The following TMEM132D variants were observed in gnomAD, a reference collection of about 807,000 sequenced individuals.
The protein encoded by TMEM132D is transmembrane protein 132D, also known as mature OL transmembrane protein.
Under a neutral mutation model 62.3 loss-of-function variants are expected in TMEM132D, and 21 were observed. The ratio of observed to expected loss-of-function variants is 0.34; its 90% CI spans 0.24 to 0.49. TMEM132D has a LOEUF of 0.49. TMEM132D is among the 20% of genes least tolerant of loss of function. TMEM132D has a pLI of 0.99. For missense variants in TMEM132D, 1,346 were observed against 1,402.8 expected, an observed-to-expected ratio of 0.96 and a Z score of 0.65; for synonymous variants, 621 against 575.6, an observed-to-expected ratio of 1.08 and a Z score of -1.13.
intron 2 of TMEM132D, among the ~76,000 whole-genome samples, chr12:129,661,087 G>C (rs1226526101): frequency 6.6e-6 from 1 of 152,174 alleles, no homozygotes; most frequent in Non-Finnish European, 1.5e-5. Flanking sequence ...GAGGGAAAAC[G>C]TCACTTCTAG....
intron 2 of TMEM132D, among the ~76,000 whole-genome samples, chr12:129,542,384 A>T (rs1876606258): frequency 6.6e-6 from 1 of 152,222 alleles, no homozygotes; most frequent in Admixed American, 6.5e-5. Flanking sequence ...TTAATTAAAG[A>T]AGGCATTCTA....
intron 3 of TMEM132D, among the ~76,000 whole-genome samples, chr12:129,504,896 T>C (rs1379405554): frequency 6.6e-6 from 1 of 152,146 alleles, no homozygotes; most frequent in Admixed American, 6.5e-5. Flanking sequence ...ATCCCACAGG[T>C]TTTTATAGGT....
At chr12:129,839,117 A>ATT (rs71085578) in intron 1 of TMEM132D, among the ~76,000 whole-genome samples, 839 of 20,584 alleles carry the variant, frequency 0.041, 227 homozygotes, top group Non-Finnish European at 0.051. Flanking sequence ...CGCCTGGCTA[A>ATT]TTTTTTTTTT....
intron 2 of TMEM132D, among the ~76,000 whole-genome samples, chr12:129,642,191 T>TTG (rs1271454390): frequency 6.6e-6 from 1 of 152,154 alleles, no homozygotes; most frequent in Non-Finnish European, 1.5e-5. Context: ...ATGACAGTCT[T>TTG]TGAACAGTCA....
Position 129,628,484 on chromosome 12 carries a change from G to C in TMEM132D, c.968+71326C>G, listed in dbSNP as rs114166437. Among the ~76,000 whole-genome samples, 473 of 152,282 alleles carry C rather than the reference G, an allele frequency of 3.1e-3. 2 individuals carry two copies. The highest frequency in any genetic ancestry group is 0.01 in the African/African-American group (424 of 41,538). On this transcript the variant is annotated intron_variant, in intron 2 of 8. Transcript: ENST00000422113. ...ACCCTGCTGACCATTAGGCAGGAAG[G>C]CTTGCCCAGACATTCTCTTGCTTCT...
chr12:129,727,438 G>A (rs1869076990), intron 1 of TMEM132D, among the ~76,000 whole-genome samples: 1 of 152,140 alleles, frequency 6.6e-6, no homozygotes, highest in Admixed American at 6.5e-5. Context: ...CATTCATGAA[G>A]GCAGAGCCCT....
chr12:129,094,100 C>T (rs1327085354), intron 5 of TMEM132D, among the ~76,000 whole-genome samples: 3 of 152,056 alleles, frequency 2.0e-5, no homozygotes, highest in African/African-American at 7.3e-5. Context: ...CTAGGCTTTA[C>T]CATTCAGGAC....
At chr12:129,199,712 A>C (rs150593613) in intron 5 of TMEM132D, among the ~76,000 whole-genome samples, 3 of 152,292 alleles carry the variant, frequency 2.0e-5, no homozygotes, top group Admixed American at 6.5e-5. Flanking sequence ...GAGCAAAGGC[A>C]TGTCTTACAT....
chr12:129,244,178 G>A (rs939541881), intron 4 of TMEM132D, among the ~76,000 whole-genome samples: 9 of 152,090 alleles, frequency 5.9e-5, no homozygotes, highest in Non-Finnish European at 8.8e-5. Context: ...AAAGTCAGGA[G>A]ATCGAGACCA....
chr12:129,818,486 G>C (rs1468845437), intron 1 of TMEM132D, among the ~76,000 whole-genome samples: 1 of 150,818 alleles, frequency 6.6e-6, no homozygotes, highest in African/African-American at 2.4e-5. Flanking sequence ...TTGGGTGTGT[G>C]TGTGGTGTGT....
chr12:129,205,558 A>G (rs1313840283), intron 5 of TMEM132D, among the ~76,000 whole-genome samples: 1 of 152,180 alleles, frequency 6.6e-6, no homozygotes, highest in African/African-American at 2.4e-5. Context: ...TCCCTATGCA[A>G]TAATAGTGGG....
At chr12:129,727,991 G>A (rs1325972718) in intron 1 of TMEM132D, among the ~76,000 whole-genome samples, 1 of 152,152 alleles carries the variant, frequency 6.6e-6, no homozygotes, top group Non-Finnish European at 1.5e-5. Context: ...ATCACCGGCT[G>A]TATCCAGCTT....
chr12:129,815,840 C>T (rs1872327877), intron 1 of TMEM132D, among the ~76,000 whole-genome samples: 1 of 152,122 alleles, frequency 6.6e-6, no homozygotes, highest in Non-Finnish European at 1.5e-5. Context: ...AGCTATTTTC[C>T]TTTGGAAATA....
In TMEM132D at chr12:129,073,707, G is replaced by A. The variant is rs572870029; in HGVS notation, c.*168C>T. 5.5e-5 allele frequency: 32 copies of A among 577,222 alleles called. No individual in the cohort carries two copies. Among genetic ancestry groups the A allele is most frequent in the African/African-American group, 2.6e-4 (14 of 53,594 alleles). 35.8% of individuals were successfully genotyped at this position (577,222 alleles called of 1,614,324 possible). On this transcript the variant is annotated 3_prime_UTR_variant, in exon 9 of 9. Coordinates refer to ENST00000422113, the MANE Select transcript of TMEM132D (RefSeq NM_133448.3). The stretch of plus-strand genomic sequence containing the variant: ...TACTCTGGAATGTGTGCGTCGATGC[G>A]GACTCCAGGCCTCGCCGCCGAGCCG...
Position 129,700,382 on chromosome 12 carries a change from G to A in TMEM132D, c.396C>T (p.His132=), listed in dbSNP as rs868559863. Residue 132 remains histidine, a synonymous_variant, in exon 2 of 9, where the codon CAC becomes CAT. Coordinates refer to ENST00000422113, the MANE Select transcript of TMEM132D (RefSeq NM_133448.3). ...TCAGGTAGACTTTGTCCCGCAGGAT[G>A]TGGGCTTTTAGTTTCCAGTTAAGAG... is the stretch of plus-strand genomic sequence containing the variant. ...KFSLNWKLKA[H]ILRDKVYLSR... 5 of 1,614,172 alleles carry A rather than the reference G, an allele frequency of 3.1e-6. No homozygotes were observed. In the Middle Eastern group the frequency reaches 6.6e-4, roughly 213 times the overall value.
At chr12:129,608,815 C>G (rs1878692950) in intron 2 of TMEM132D, among the ~76,000 whole-genome samples, 1 of 152,160 alleles carries the variant, frequency 6.6e-6, no homozygotes, top group Non-Finnish European at 1.5e-5. Context: ...CCTATAAGAA[C>G]AGAGCGGTTC....
chr12:129,736,031 T>C (rs12146729), intron 1 of TMEM132D, among the ~76,000 whole-genome samples: 9,378 of 152,254 alleles, frequency 0.062, 325 homozygotes, highest in South Asian at 0.13. Context: ...TCACACACTT[T>C]GCTTCCCCCT....
chr12:129,092,280 A>G (rs914580772), intron 5 of TMEM132D, among the ~76,000 whole-genome samples: 3 of 143,520 alleles, frequency 2.1e-5, no homozygotes, highest in African/African-American at 7.7e-5. Context: ...GGTTAAATTT[A>G]TGTTCTAATA....
chr12:129,661,317 T>A (rs1880231809), intron 2 of TMEM132D, among the ~76,000 whole-genome samples: 1 of 152,206 alleles, frequency 6.6e-6, no homozygotes, highest in African/African-American at 2.4e-5. Context: ...ATGGTAGTGG[T>A]TGACTCCTGT....
Sources: allele counts gnomAD v4.1 joint callset (sites outside exome capture counted in the v4.1 genomes callset), GRCh38; gene constraint gnomAD v4.1.1; transcripts MANE v1.5; gene names NCBI Gene and HGNC (gene_info 2026-07-23, HGNC 2026-07-21).